Variants in MMP25 observed in about 807,000 individuals in gnomAD.
The protein encoded by MMP25 is matrix metalloproteinase-25.
A neutral mutation model predicts 62.1 loss-of-function variants in MMP25; 68 were observed. The ratio of observed to expected loss-of-function variants is 1.10; its 90% CI spans 0.90 to 1.34. The LOEUF is 1.34. MMP25 is among the 40% of genes most tolerant of loss of function. MMP25 has a pLI of 0.00. For synonymous variants in MMP25, 407 were observed against 345.6 expected (o/e 1.18, Z -1.97); for missense variants, 942 against 792.5 (o/e 1.19, Z -2.26).
At chr16:3,050,572 T>A in intron 4 of MMP25, 26 bp downstream of exon 4, 2 of 1,503,312 alleles carry the variant, frequency 1.3e-6, no homozygotes, top group Non-Finnish European at 1.8e-6. Flanking sequence ...TTATGAGAGA[T>A]CCTCTTGCCA....
Position 3,059,360 on chromosome 16 carries a change from G to C in MMP25, c.*262G>C, listed in dbSNP as rs1410161238. The C allele has an allele frequency of 2.7e-6, 1 of 369,928 alleles. No individual in the cohort carries two copies. Among genetic ancestry groups the C allele is most frequent in the Admixed American group, 4.7e-5 (1 of 21,310 alleles). 22.9% of individuals were successfully genotyped at this position (369,928 alleles called of 1,614,324 possible). On this transcript the variant is annotated 3_prime_UTR_variant, in exon 10 of 10. Transcript: ENST00000336577. ...CGCCTTCAGGGGCGCACGCGCGCTG[G>C]GACCATGCGTCGGTCGTCGCCCCCG...
rs867337856 is a variant in MMP25, at chr16:3,059,503, C to T, written c.*405C>T. On this transcript the variant is annotated 3_prime_UTR_variant, in exon 10 of 10. Coordinates refer to ENST00000336577, the MANE Select transcript of MMP25 (RefSeq NM_022468.5). ...CACCCGGAGGGACGGCAGCCCCGGT[C>T]GCGCGCTGGCCCCGCAGGACCTTCC... 6 of 170,532 alleles carry T rather than the reference C, an allele frequency of 3.5e-5. No homozygotes were observed. Among genetic ancestry groups the T allele is most frequent in the South Asian group, 3.9e-4 (2 of 5,100 alleles). The allele number at this position is 170,532 out of a possible 1,614,324, so 10.6% of individuals were successfully genotyped here.
Position 3,059,026 on chromosome 16 carries a change from C to G in MMP25, c.1617C>G (p.Ala539=). 6.4e-7 allele frequency: 1 copy of G among 1,555,498 alleles called. No homozygotes were observed. The highest frequency in any genetic ancestry group is 8.7e-7 in the Non-Finnish European group (1 of 1,149,326). The change falls in exon 10 of 10, where the codon GCC becomes GCG. Residue 539 remains alanine, a synonymous_variant. Coordinates refer to ENST00000336577, the MANE Select transcript of MMP25 (RefSeq NM_022468.5). ...ATTGTCAGTGCGAGCTCAACCAGGC[C>G]GCAGGACGTTGGCCTGCTCCCATCC... ...TCDCQCELNQ[A]AGRWPAPIPL...
At chr16:3,049,341 T>C (rs1229705330) in intron 2 of MMP25, among the ~76,000 whole-genome samples, 2 of 152,132 alleles carry the variant, frequency 1.3e-5, no homozygotes, top group Non-Finnish European at 2.9e-5. Context: ...TCTGGCTCAC[T>C]ACAAGGAAAG....
chr16:3,056,667 G>A (rs530721880), intron 4 of MMP25: 54 of 199,916 alleles, frequency 2.7e-4, no homozygotes, highest in African/African-American at 1.2e-3. Context: ...CTCCCACCTG[G>A]GACTCCAAAA....
At position 3,058,561 on chromosome 16, in the gene MMP25, T is replaced by TGGCGCTACGACGAGGCGGC. The variant is rs1349864250; in HGVS notation, c.1315_1333dup (p.Arg445LeufsTer27). 1.9e-6 allele frequency: 3 copies of TGGCGCTACGACGAGGCGGC among 1,610,618 alleles called. No homozygotes were observed. The African/African-American group carries it at 4.0e-5, about 22-fold the overall frequency. ...CTACCTGGTCCGCGGCCGGCAGTAC[T>TGGCGCTACGACGAGGCGGC]GGCGCTACGACGAGGCGGCGGCGCG... is the stretch of plus-strand genomic sequence containing the variant. On this transcript the variant is annotated frameshift_variant, in exon 9 of 10. Coordinates refer to ENST00000336577, the MANE Select transcript of MMP25 (RefSeq NM_022468.5). LOFTEE classifies it high-confidence loss of function.
At chr16:3,050,659 G>T in intron 4 of MMP25, 113 bp downstream of exon 4, 1 of 1,151,806 alleles carries the variant, frequency 8.7e-7, no homozygotes, top group Non-Finnish European at 1.2e-6. Context: ...TGTTGCTCAG[G>T]CTAGAGTGCA....
rs772841152 is a variant in MMP25, at chr16:3,050,393, A to G, written c.508A>G (p.Ile170Val). The G allele has an allele frequency of 6.2e-7, 1 of 1,613,956 alleles. No individual in the cohort carries two copies. Among genetic ancestry groups the G allele is most frequent in the East Asian group, 2.2e-5 (1 of 44,872 alleles). Residue 170 changes from isoleucine to valine, a missense_variant, in exon 4 of 10, where the codon ATC (isoleucine) becomes GTC (valine). Transcript: ENST00000336577. ...VDSPQGQEPD[I>V]LIDFARAFHQ... ...TTCCCCCCAGGGCCAGGAGCCCGAC[A>G]TCCTCATCGACTTTGCCCGCGCCTT...
intron 2 of MMP25, among the ~76,000 whole-genome samples, chr16:3,048,030 G>C (rs997546958): frequency 6.6e-6 from 1 of 152,054 alleles, no homozygotes; most frequent in African/African-American, 2.4e-5. Context: ...GTAGAGACGG[G>C]GTTTCTCCAT....
rs147635815 is a variant in MMP25 at position 3,048,617 on chromosome 16, C to T, written c.232+1070C>T. Among the ~76,000 whole-genome samples, 613 of 152,096 alleles carry T rather than the reference C, an allele frequency of 4.0e-3. 6 individuals are homozygous for T. Among genetic ancestry groups the T allele is most frequent in the Middle Eastern group, 0.02 (6 of 294 alleles). On this transcript the variant is annotated intron_variant, in intron 2 of 9. Transcript: ENST00000336577. ...GGGAAGATGTGGAAGAAGAGTGTCC[C>T]GGGCAAGTGCAAAGACCCCACGGCA...
At chr16:3,053,816 C>G (rs1193286061) in intron 4 of MMP25, 5 of 151,930 alleles carry the variant, frequency 3.3e-5, no homozygotes, top group Non-Finnish European at 7.3e-5. Flanking sequence ...GTTACATTGG[C>G]CTGTGTTTGG....
intron 6 of MMP25, 54 bp from the exon 7 acceptor site, chr16:3,057,477 C>G: frequency 6.3e-7 from 1 of 1,599,640 alleles, no homozygotes; most frequent in Non-Finnish European, 8.6e-7. Context: ...GTGGGGGTCC[C>G]TGCCTTGGAG....
chr16:3,058,924 G>T lies in MMP25; in HGVS notation c.1515G>T (p.Trp505Cys). The change falls in exon 10 of 10, where the codon TGG (tryptophan) becomes TGT (cysteine). Residue 505 changes from tryptophan to cysteine, a missense_variant. Coordinates refer to ENST00000336577, the MANE Select transcript of MMP25 (RefSeq NM_022468.5). ...PDAPQPMGPN[W>C]LDCPAPSSGP... ...CCCCCCAGCCCATGGGGCCCAACTG[G>T]CTGGACTGCCCCGCCCCGAGCTCTG... 1 of 1,551,964 alleles carries T rather than the reference G, an allele frequency of 6.4e-7. No individual in the cohort carries two copies. Among genetic ancestry groups the T allele is most frequent in the Non-Finnish European group, 8.7e-7 (1 of 1,147,582 alleles).
rs774978946 is a variant in MMP25, at chr16:3,050,270, C to G, written c.385C>G (p.Gln129Glu). Residue 129 changes from glutamine to glutamate, a missense_variant, in exon 4 of 10, where the codon CAG becomes GAG. By Grantham distance (29) the Gln-to-Glu change is conservative (BLOSUM62 2). Coordinates refer to ENST00000336577, the MANE Select transcript of MMP25 (RefSeq NM_022468.5). Reference sequence around the variant, plus strand: ...TCTCCCCAGGGTACGTTCCTTCCCCCAGAGCTCCCAGCTGAGCCAGGAGAC... The same window carrying G: ...TCTCCCCAGGGTACGTTCCTTCCCCGAGAGCTCCCAGCTGAGCCAGGAGAC... ...TLTWRVRSFP[Q>E]SSQLSQETVR... 2.5e-6 allele frequency: 4 copies of G among 1,600,290 alleles called. No homozygotes were observed. The highest frequency in any genetic ancestry group is 2.2e-5 in the East Asian group (1 of 44,656).
In MMP25 at chr16:3,050,258, C is replaced by G. The variant is rs200080855; in HGVS notation, c.373C>G (p.Arg125Gly). Residue 125 changes from arginine (R) to glycine (G), a missense_variant, in exon 4 of 10, where the codon CGT (arginine) becomes GGT (glycine). By Grantham distance (125) the Arg-to-Gly change is moderately radical. Transcript: ENST00000336577. Reference sequence around the variant, plus strand: ...ACCTCACTCCCCTCTCCCCAGGGTACGTTCCTTCCCCCAGAGCTCCCAGCT... The same window carrying G: ...ACCTCACTCCCCTCTCCCCAGGGTAGGTTCCTTCCCCCAGAGCTCCCAGCT... ...WKKRTLTWRV[R>G]SFPQSSQLSQ... 1 of 1,593,384 alleles carries G rather than the reference C, an allele frequency of 6.3e-7. No homozygotes were observed. Among genetic ancestry groups the G allele is most frequent in the South Asian group, 1.1e-5 (1 of 88,384 alleles).
In MMP25 at chr16:3,047,401, C is replaced by T. The variant is rs938172268; in HGVS notation, c.100-14C>T. The T allele has an allele frequency of 3.7e-6, 6 of 1,606,624 alleles. No individual in the cohort carries two copies. In the African/African-American group the frequency reaches 5.3e-5, roughly 14 times the overall value. On this transcript the variant is annotated splice_polypyrimidine_tract_variant and intron_variant, in intron 1 of 9. Transcript: ENST00000336577. ...TCACCCAGCCCGCTTCACCTGCCCC[C>T]TCCGATGCCCTAGGACTGGCTGACT...
Position 3,059,275 on chromosome 16 carries a change from T to A in MMP25, c.*177T>A. 1.4e-6 allele frequency: 1 copy of A among 733,698 alleles called. No homozygotes were observed. The highest frequency in any genetic ancestry group is 2.0e-6 in the Non-Finnish European group (1 of 490,834). 45.4% of individuals were successfully genotyped at this position (733,698 alleles called of 1,614,324 possible). ...CAGGGGCGGCGGCGGCGGGGACCGG[T>A]CGCCTGGCGCTGGGCTCAGTCTCCT... On this transcript the variant is annotated 3_prime_UTR_variant, in exon 10 of 10. Transcript: ENST00000336577.
chr16:3,047,577 G>T (rs370146983), intron 2 of MMP25, 30 bp downstream of exon 2: 2 of 1,606,784 alleles, frequency 1.2e-6, no homozygotes, highest in South Asian at 2.2e-5. Context: ...CCCCAGCCCT[G>T]CCTCTGCACC....
chr16:3,057,501 C>T, intron 6 of MMP25, 30 bp from the exon 7 acceptor site: 1 of 1,607,606 alleles, frequency 6.2e-7, no homozygotes, highest in Non-Finnish European at 8.5e-7. Flanking sequence ...ACAAACCCCC[C>T]TCTCTACTCA....
Sources: allele counts gnomAD v4.1 joint callset (sites outside exome capture counted in the v4.1 genomes callset), GRCh38; gene constraint gnomAD v4.1.1; transcripts MANE v1.5; gene names NCBI Gene and HGNC (gene_info 2026-07-23, HGNC 2026-07-21).